Variants in CSMD1 observed in about 807,000 individuals in gnomAD.
CSMD1 encodes the protein CUB and Sushi multiple domains 1.
Under a neutral mutation model 417.5 loss-of-function variants are expected in CSMD1, and 213 were observed. The ratio of observed to expected loss-of-function variants is 0.51; its 90% CI spans 0.46 to 0.57. The LOEUF (loss-of-function observed/expected upper bound fraction) is 0.57, where lower values mean the gene tolerates loss of function less well. Ranked by LOEUF, CSMD1 falls within the 20% of genes least tolerant of loss-of-function variation. The pLI is 0.00. For synonymous variants in CSMD1, 2,862 were observed against 1,736.8 expected (o/e 1.65, Z -16.11); for missense variants, 6,923 against 4,529.7 (o/e 1.53, Z -15.17).
At chr8:3,620,773 T>C (rs10105617) in intron 7 of CSMD1, among the ~76,000 whole-genome samples, 81,328 of 151,968 alleles carry the variant, frequency 0.54, 22,069 homozygotes, top group Middle Eastern at 0.63. Flanking sequence ...GAAAGACATA[T>C]GAAAATTGAA....
chr8:3,611,214 C>T (rs532618157), intron 8 of CSMD1, among the ~76,000 whole-genome samples: 1 of 150,682 alleles, frequency 6.6e-6, no homozygotes, highest in African/African-American at 2.4e-5. Context: ...CACATGTACC[C>T]TAAAAACTTA....
At chr8:3,586,308 A>G in intron 8 of CSMD1, 48 bp from the exon 9 acceptor site, 2 of 1,485,882 alleles carry the variant, frequency 1.3e-6, no homozygotes, top group East Asian at 2.3e-5. Flanking sequence ...TTTACAGAAG[A>G]CTTCTTTAGG....
At chr8:4,465,144 C>G (rs1315648615) in intron 2 of CSMD1, among the ~76,000 whole-genome samples, 1 of 152,146 alleles carries the variant, frequency 6.6e-6, no homozygotes, top group Non-Finnish European at 1.5e-5. Flanking sequence ...CAGAATATTA[C>G]CCCCAAACTA....
At chr8:4,462,807 C>A (rs557361627) in intron 2 of CSMD1, among the ~76,000 whole-genome samples, 2 of 151,382 alleles carry the variant, frequency 1.3e-5, no homozygotes, top group East Asian at 1.9e-4. Context: ...CTTACACTAT[C>A]CACAAAAAAA....
chr8:4,177,101 C>G (rs1172542769), intron 3 of CSMD1, among the ~76,000 whole-genome samples: 6 of 152,190 alleles, frequency 3.9e-5, no homozygotes, highest in African/African-American at 1.2e-4. Flanking sequence ...CTACAGAACT[C>G]TCCACCCCAA....
In CSMD1 at chr8:3,181,083, G is replaced by C. The variant is rs558803952; in HGVS notation, c.5725+27C>G. 76 of 1,385,704 alleles carry C rather than the reference G, an allele frequency of 5.5e-5. No homozygotes were observed. The Middle Eastern group carries it at 1.4e-3, about 26-fold the overall frequency. 85.8% of individuals were successfully genotyped at this position (1,385,704 alleles called of 1,614,324 possible). On this transcript the variant is annotated intron_variant, in intron 37 of 69. Transcript: ENST00000635120. ...AAAATGACTCAGTATAACAGTGGAAGCTGTATACAGAAAGAGTTGACCTTA... is the reference window on the plus strand; with the variant it reads ...AAAATGACTCAGTATAACAGTGGAACCTGTATACAGAAAGAGTTGACCTTA...
chr8:4,619,720 T>A (rs1054621838), intron 2 of CSMD1, among the ~76,000 whole-genome samples: 1 of 152,144 alleles, frequency 6.6e-6, no homozygotes, highest in East Asian at 1.9e-4. Flanking sequence ...CCTGATTTAA[T>A]AGTATGTGTT....
rs116615859 is a variant in CSMD1 at position 4,062,306 on chromosome 8, G to T, written c.416-30207C>A. On this transcript the variant is annotated intron_variant, in intron 3 of 69. Transcript: ENST00000635120. ...TTGGCAGAATAGAGCATGTCAACTG[G>T]GGACTTCTAAATAATATGGTCCAGG... Among the ~76,000 whole-genome samples, 506 of 152,150 alleles carry T rather than the reference G, an allele frequency of 3.3e-3. 3 individuals are homozygous for T. The highest frequency in any genetic ancestry group is 0.012 in the African/African-American group (484 of 41,532).
intron 3 of CSMD1, among the ~76,000 whole-genome samples, chr8:4,350,446 C>A (rs1196684381): frequency 4.6e-5 from 7 of 152,296 alleles, no homozygotes. Flanking sequence ...CCTTGATTCA[C>A]CAAACCACAT....
At chr8:3,978,157 G>A (rs1010863110) in intron 5 of CSMD1, among the ~76,000 whole-genome samples, 2 of 152,076 alleles carry the variant, frequency 1.3e-5, no homozygotes, top group African/African-American at 2.4e-5. Context: ...ACTTCCTCTC[G>A]AGTGAGGAAA....
chr8:3,683,748 T>C (rs1400705121), intron 7 of CSMD1, among the ~76,000 whole-genome samples: 1 of 152,142 alleles, frequency 6.6e-6, no homozygotes, highest in Non-Finnish European at 1.5e-5. Context: ...AACCCAGGTC[T>C]CCAGACCTAA....
intron 2 of CSMD1, among the ~76,000 whole-genome samples, chr8:4,476,620 C>G (rs1292269113): frequency 6.6e-6 from 1 of 152,192 alleles, no homozygotes; most frequent in African/African-American, 2.4e-5. Context: ...GGGTTTGAGA[C>G]TGCCTTTAGA....
Position 3,182,697 on chromosome 8 carries a change from GT to G in CSMD1, c.5621-1484del, listed in dbSNP as rs1563119243. 2.1e-3 allele frequency among the ~76,000 whole-genome samples: 275 copies of G among 129,124 alleles called. 9 individuals carry two copies. Among genetic ancestry groups the G allele is most frequent in the African/African-American group, 7.0e-3 (253 of 36,106 alleles). The allele number at this position is 129,124 out of a possible 152,430, so 84.7% of individuals were successfully genotyped here. Reference sequence around the variant, plus strand: ...AAGCTGTGTGTGTGTGTGTGTGTATGTGTGTGTATTGTTAGTAGAGAAGGAC... The same window carrying G: ...AAGCTGTGTGTGTGTGTGTGTGTATGGTGTGTATTGTTAGTAGAGAAGGAC... On this transcript the variant is annotated intron_variant, in intron 36 of 69. Transcript: ENST00000635120.
chr8:3,904,020 G>C (rs1032646629), intron 5 of CSMD1, among the ~76,000 whole-genome samples: 1 of 151,304 alleles, frequency 6.6e-6, no homozygotes, highest in South Asian at 2.1e-4. Context: ...TGCCTATCTA[G>C]GTGGGTCTAA....
At chr8:4,031,787 T>G (rs1218055627) in intron 4 of CSMD1, 118 bp downstream of exon 4, 2 of 697,604 alleles carry the variant, frequency 2.9e-6, no homozygotes, top group Non-Finnish European at 4.5e-6. Flanking sequence ...TGAGCTGACA[T>G]TGTAAGAGTC....
intron 3 of CSMD1, among the ~76,000 whole-genome samples, chr8:4,302,139 A>T (rs191760712): frequency 5.5e-4 from 84 of 152,316 alleles, no homozygotes; most frequent in East Asian, 1.9e-3. Flanking sequence ...GCTAACAAAA[A>T]AACAGTTTAT....
intron 6 of CSMD1, among the ~76,000 whole-genome samples, chr8:3,722,323 T>C (rs940872813): frequency 3.9e-5 from 6 of 152,074 alleles, no homozygotes; most frequent in African/African-American, 1.4e-4. Flanking sequence ...AATAAATAAA[T>C]AGATATAATA....
At chr8:4,394,792 C>A (rs764931385) in intron 3 of CSMD1, among the ~76,000 whole-genome samples, 2 of 152,274 alleles carry the variant, frequency 1.3e-5, no homozygotes, top group Non-Finnish European at 1.5e-5. Flanking sequence ...TGCAGCCTCA[C>A]CTTAGTTTTC....
intron 23 of CSMD1, among the ~76,000 whole-genome samples, chr8:3,339,101 T>A (rs1807473240): frequency 6.6e-6 from 1 of 151,386 alleles, no homozygotes; most frequent in Non-Finnish European, 1.5e-5. Context: ...TTGTTTGTTC[T>A]TGCGATAGTT....
Sources: gnomAD v4.1 joint callset for allele counts (sites outside exome capture counted in the v4.1 genomes callset) on GRCh38, gnomAD v4.1.1 for gene constraint, MANE v1.5 for transcripts, NCBI Gene and HGNC (gene_info 2026-07-23, HGNC 2026-07-21) for gene names.